Variants in DENND2B observed in about 807,000 individuals in gnomAD.
The protein encoded by DENND2B is DENN domain containing 2B, also known as DENN domain-containing protein 2B.
A neutral mutation model predicts 116.0 loss-of-function variants in DENND2B; 32 were observed. The observed-to-expected ratio is 0.28, with a 90% CI of 0.21 to 0.37. The LOEUF is 0.37. Ranked by LOEUF, DENND2B falls within the 10% of genes least tolerant of loss-of-function variation. The probability of loss-of-function intolerance (pLI) is 1.00; values close to 1 mark genes in which losing one functional copy is unlikely to be tolerated. For synonymous variants in DENND2B, 588 were observed against 583.9 expected, an observed-to-expected ratio of 1.01 and a Z score of -0.10; for missense variants, 1,276 against 1,477.7, an observed-to-expected ratio of 0.86 and a Z score of 2.24.
chr11:8,841,419 G>A (rs746665931), intron 3 of DENND2B, among the ~76,000 whole-genome samples: 2 of 152,118 alleles, frequency 1.3e-5, no homozygotes, highest in Non-Finnish European at 2.9e-5. Flanking sequence ...TTGGAGGATC[G>A]CTTGAGCTCA....
At chr11:8,876,903 A>G (rs1472589832) in intron 2 of DENND2B, among the ~76,000 whole-genome samples, 1 of 151,134 alleles carries the variant, frequency 6.6e-6, no homozygotes, top group Non-Finnish European at 1.5e-5. Context: ...AGAAAGAAAG[A>G]AAAGAAAAGA....
At chr11:8,694,460 G>C in intron 19 of DENND2B, 1 of 454,694 alleles carries the variant, frequency 2.2e-6, no homozygotes, top group Non-Finnish European at 4.2e-6. Context: ...GCACTGCTGT[G>C]TCTGCAGACC....
At chr11:8,715,377 T>C (rs1348510148) in intron 6 of DENND2B, 7 of 562,396 alleles carry the variant, frequency 1.2e-5, no homozygotes, top group Non-Finnish European at 2.2e-5. Flanking sequence ...TAGACTTTCC[T>C]TCCTCTAACA....
At chr11:8,836,582 C>T (rs988703099) in intron 4 of DENND2B, among the ~76,000 whole-genome samples, 1 of 151,916 alleles carries the variant, frequency 6.6e-6, no homozygotes, top group African/African-American at 2.4e-5. Context: ...CCACCATACC[C>T]GGCTAATTTT....
rs1264012359 is a variant in DENND2B at position 8,836,782 on chromosome 11, T to TG, written c.-115+2527_-115+2528insC. On this transcript the variant is annotated intron_variant, in intron 4 of 6. Transcript: ENST00000524757. ...CAGGCTGGAGTGCAGTGGCACGATC[T>TG]CAGCTCACTGCAGTCTCGACCTCCC... 1.7e-4 allele frequency among the ~76,000 whole-genome samples: 26 copies of TG among 152,300 alleles called. No individual in the cohort carries two copies. The East Asian group carries it at 5.0e-3, about 29-fold the overall frequency.
chr11:8,736,056 T>G (rs1439324620), intron 2 of DENND2B, among the ~76,000 whole-genome samples: 1 of 152,214 alleles, frequency 6.6e-6, no homozygotes, highest in Non-Finnish European at 1.5e-5. Flanking sequence ...GCAAAGCCAC[T>G]GACAGTCTCT....
At chr11:8,842,267 T>C (rs751334003) in intron 3 of DENND2B, among the ~76,000 whole-genome samples, 7 of 152,178 alleles carry the variant, frequency 4.6e-5, no homozygotes, top group African/African-American at 1.4e-4. Flanking sequence ...TAAGAAGACA[T>C]TGTTCCACAA....
intron 2 of DENND2B, among the ~76,000 whole-genome samples, chr11:8,879,771 T>C (rs1265917662): frequency 1.3e-5 from 2 of 151,882 alleles, no homozygotes; most frequent in Non-Finnish European, 2.9e-5. Flanking sequence ...TAGGTACATA[T>C]GATTGAAAAA....
chr11:8,714,571 G>A (rs756490016), intron 7 of DENND2B, 39 bp downstream of exon 7: 2 of 1,561,530 alleles, frequency 1.3e-6, no homozygotes, highest in Non-Finnish European at 1.8e-6. Context: ...ATGCCCAAGG[G>A]CCCCAAACAG....
In DENND2B at chr11:8,730,101, C is replaced by T. The variant is rs201564210; in HGVS notation, c.1189G>A (p.Glu397Lys). 3.1e-6 allele frequency: 5 copies of T among 1,614,138 alleles called. No homozygotes were observed. In the Admixed American group the frequency reaches 5.0e-5, roughly 16 times the overall value. The stretch of plus-strand genomic sequence containing the variant: ...TTACTCTTGGGGTTCTTGTCAGCCT[C>T]GTATTCAAAGGTGCGCTTGGGTTTG... The part of the protein sequence containing the change: ...VPKPKRTFEY[E>K]ADKNPKSKPS... The change falls in exon 3 of 20, where the codon GAG (glutamate) becomes AAG (lysine). Residue 397 changes from glutamate (E) to lysine (K), a missense_variant. Glu to Lys is a moderately conservative substitution (Grantham distance 56). Around this residue, in one of 2 missense-constraint regions of DENND2B, gnomAD observed 856 missense variants for 846.6 expected, o/e 1.01. Transcript: ENST00000313726. This position sits in a 1 kb window ranked among gnomAD's most constrained non-coding sequence, Gnocchi z 4.1.
At chr11:8,827,948 T>C (rs2568090) in intron 4 of DENND2B, among the ~76,000 whole-genome samples, 53,898 of 151,952 alleles carry the variant, frequency 0.35, 10,799 homozygotes, top group Non-Finnish European at 0.44. Context: ...TAAATCCCTA[T>C]TGCACCAGAC....
At chr11:8,904,728 C>T (rs868027700) in intron 1 of DENND2B, among the ~76,000 whole-genome samples, 27 of 152,096 alleles carry the variant, frequency 1.8e-4, no homozygotes, top group Admixed American at 3.3e-4. Flanking sequence ...TTACAGGATA[C>T]AATATCAATA....
chr11:8,882,755 A>G (rs943577049), intron 1 of DENND2B, among the ~76,000 whole-genome samples: 3 of 152,198 alleles, frequency 2.0e-5, no homozygotes, highest in Admixed American at 6.5e-5. Flanking sequence ...TGGGAGGCCA[A>G]GGTGAGTGGA....
At chr11:8,725,976 G>C in intron 4 of DENND2B, 97 bp downstream of exon 4, 1 of 1,568,994 alleles carries the variant, frequency 6.4e-7, no homozygotes, top group African/African-American at 1.3e-5. Flanking sequence ...GACCATGCCT[G>C]CCCACAGTGA....
chr11:8,907,642 T>C (rs541422097), intron 1 of DENND2B, among the ~76,000 whole-genome samples: 1 of 152,324 alleles, frequency 6.6e-6, no homozygotes, highest in Non-Finnish European at 1.5e-5. Flanking sequence ...TACAATTGAA[T>C]ATTCATTACA....
chr11:8,864,122 T>C lies in DENND2B; in HGVS notation c.-249-6686A>G, dbSNP rs569897860. Among the ~76,000 whole-genome samples, 281 of 152,284 alleles carry C rather than the reference T, an allele frequency of 1.8e-3. 7 individuals are homozygous for C. Among genetic ancestry groups the C allele is most frequent in the Non-Finnish European group, 2.5e-4 (17 of 68,018 alleles). On this transcript the variant is annotated intron_variant, in intron 2 of 6. Transcript: ENST00000524757. Reference sequence around the variant, plus strand: ...GGCCCTGTTTACTCACTAGAAAATATATCCCCACATGATGAGCCTTAACAG... The same window carrying C: ...GGCCCTGTTTACTCACTAGAAAATACATCCCCACATGATGAGCCTTAACAG...
At chr11:8,708,377 A>G (rs528933666) in intron 11 of DENND2B, 2 of 971,176 alleles carry the variant, frequency 2.1e-6, no homozygotes, top group Middle Eastern at 5.2e-4. Context: ...GCTACTGTTT[A>G]TGGAACATTT....
intron 1 of DENND2B, chr11:8,909,910 T>C (rs922722996): frequency 2.6e-5 from 4 of 152,186 alleles, no homozygotes; most frequent in Admixed American, 2.6e-4. Flanking sequence ...TTCCTAAGCA[T>C]CGGCGCTTTG....
chr11:8,856,009 A>G (rs1256304987), intron 3 of DENND2B, among the ~76,000 whole-genome samples: 1 of 152,170 alleles, frequency 6.6e-6, no homozygotes, highest in African/African-American at 2.4e-5. Flanking sequence ...AGCACCCAAC[A>G]TATGTTGCCT....
Sources: allele counts gnomAD v4.1 joint callset (sites outside exome capture counted in the v4.1 genomes callset), GRCh38; gene constraint gnomAD v4.1.1; regional missense constraint gnomAD v4.1.1; non-coding constraint Gnocchi (gnomAD v3.1); transcripts MANE v1.5; gene names NCBI Gene and HGNC (gene_info 2026-07-23, HGNC 2026-07-21).